PCDH17: variants seen among roughly 807,000 people sequenced by gnomAD.
PCDH17 encodes the protein protocadherin-17.
Under a neutral mutation model 67.7 loss-of-function variants are expected in PCDH17, and 21 were observed. The observed-to-expected ratio is 0.31, with a 90% CI of 0.22 to 0.45. PCDH17 has a LOEUF of 0.45. PCDH17 is among the 20% of genes least tolerant of loss of function. The pLI is 1.00. For missense variants in PCDH17, 1,471 were observed against 1,564.8 expected (o/e 0.94, Z 1.01); for synonymous variants, 701 against 656.7 (o/e 1.07, Z -1.03).
chr13:57,692,188 G>A (rs73519490), intron 3 of PCDH17, among the ~76,000 whole-genome samples: 2,650 of 151,026 alleles, frequency 0.018, 71 homozygotes, highest in African/African-American at 0.06. Flanking sequence ...ACAGTTCTAC[G>A]CTTATTATTA....
intron 3 of PCDH17, among the ~76,000 whole-genome samples, chr13:57,709,145 A>G (rs1790182458): frequency 1.3e-5 from 2 of 151,296 alleles, no homozygotes; most frequent in African/African-American, 2.4e-5. Flanking sequence ...TAAAGTCAGT[A>G]CATTCTTAAA....
rs1955123865 is a variant in PCDH17, at chr13:57,657,706, A to G, written c.2566-8762A>G. Reference sequence around the variant, plus strand: ...AAAAATTTGTTTTGTTTAGTTTTCAACGCAATGGTATCAAGGTAGACAAAC... The same window carrying G: ...AAAAATTTGTTTTGTTTAGTTTTCAGCGCAATGGTATCAAGGTAGACAAAC... On this transcript the variant is annotated intron_variant, in intron 1 of 3. Transcript: ENST00000377918. Among the ~76,000 whole-genome samples the G allele has an allele frequency of 3.9e-5, 6 of 152,328 alleles. 1 individual carries two copies. The South Asian group carries it at 1.2e-3, about 32-fold the overall frequency.
chr13:57,691,281 A>G (rs752446701), intron 3 of PCDH17, among the ~76,000 whole-genome samples: 35 of 151,390 alleles, frequency 2.3e-4, no homozygotes, highest in Non-Finnish European at 4.6e-4. Context: ...TATAGCACAT[A>G]GTGAAAATAT....
intron 1 of PCDH17, among the ~76,000 whole-genome samples, chr13:57,636,379 C>A (rs1329620480): frequency 1.2e-4 from 19 of 152,104 alleles, no homozygotes; most frequent in Admixed American, 1.2e-3. Context: ...TGACACTGGA[C>A]TCAATAATGT....
intron 3 of PCDH17, among the ~76,000 whole-genome samples, chr13:57,716,009 G>A (rs1402912657): frequency 6.6e-6 from 1 of 151,952 alleles, no homozygotes. Flanking sequence ...GAAGCAGGAT[G>A]ATATGAAAGA....
At chr13:57,681,555 A>G (rs1056628934) in intron 3 of PCDH17, among the ~76,000 whole-genome samples, 4 of 151,836 alleles carry the variant, frequency 2.6e-5, no homozygotes, top group African/African-American at 4.8e-5. Context: ...TTATTGCTAC[A>G]GATTCTGCAG....
rs1954753430 is a variant in PCDH17 at position 57,633,138 on chromosome 13, C to G, written c.592C>G (p.Gln198Glu). ...CACCAAGTTCCCAGAACTGGTCATC[C>G]AGAAGGCTCTGGACCGCGAGCAACA... ...DGTKFPELVI[Q>E]KALDREQQNH... The change falls in exon 1 of 4, where the codon CAG becomes GAG. Residue 198 changes from glutamine (Q) to glutamate (E), a missense_variant. This residue lies in a region of PCDH17 where 1,163 missense variants were observed against 1,230.0 expected (regional missense o/e 0.95). Transcript: ENST00000377918. This position sits in a 1 kb window ranked among gnomAD's most constrained non-coding sequence, Gnocchi z 6.2. 6.2e-7 allele frequency: 1 copy of G among 1,613,398 alleles called. No homozygotes were observed. Among genetic ancestry groups the G allele is most frequent in the South Asian group, 1.1e-5 (1 of 91,062 alleles).
intron 3 of PCDH17, among the ~76,000 whole-genome samples, chr13:57,684,209 A>G (rs1955485772): frequency 6.6e-6 from 1 of 151,930 alleles, no homozygotes. Flanking sequence ...ACTAAGCTAC[A>G]TAGAATCCTA....
At chr13:57,667,352 G>T (rs1175069970) in intron 3 of PCDH17, among the ~76,000 whole-genome samples, 1 of 151,894 alleles carries the variant, frequency 6.6e-6, no homozygotes, top group African/African-American at 2.4e-5. Context: ...TACATCTAAG[G>T]CTTCATGAAT....
intron 3 of PCDH17, among the ~76,000 whole-genome samples, chr13:57,706,639 C>A (rs1374353153): frequency 6.6e-6 from 1 of 152,092 alleles, no homozygotes; most frequent in Admixed American, 6.6e-5. Flanking sequence ...CCTTTTCAGT[C>A]CAAGTTGGCA....
At chr13:57,710,397 T>G (rs953789661) in intron 3 of PCDH17, among the ~76,000 whole-genome samples, 2 of 151,912 alleles carry the variant, frequency 1.3e-5, no homozygotes, top group Admixed American at 1.3e-4. Flanking sequence ...CAAAATTATA[T>G]AAATTATAAT....
intron 1 of PCDH17, among the ~76,000 whole-genome samples, chr13:57,640,344 A>G (rs768539434): frequency 2.6e-5 from 4 of 152,052 alleles, no homozygotes; most frequent in Non-Finnish European, 5.9e-5. Context: ...CTATGCCTGT[A>G]TTTATGAAAA....
chr13:57,657,831 A>G (rs1955127489), intron 1 of PCDH17, among the ~76,000 whole-genome samples: 1 of 152,202 alleles, frequency 6.6e-6, no homozygotes, highest in South Asian at 2.1e-4. Context: ...TGATTTTATA[A>G]TTATACGATT....
intron 3 of PCDH17, among the ~76,000 whole-genome samples, chr13:57,711,705 A>G (rs1955778191): frequency 6.6e-6 from 1 of 151,632 alleles, no homozygotes; most frequent in Admixed American, 6.6e-5. Flanking sequence ...GTAATTTTGC[A>G]TATATATTTT....
intron 1 of PCDH17, among the ~76,000 whole-genome samples, chr13:57,637,077 C>T (rs1201793702): frequency 6.6e-6 from 1 of 152,054 alleles, no homozygotes; most frequent in Non-Finnish European, 1.5e-5. Flanking sequence ...TGATTCCTCT[C>T]ATTGACAGTA....
chr13:57,649,083 G>T (rs1955004534), intron 1 of PCDH17, among the ~76,000 whole-genome samples: 1 of 152,066 alleles, frequency 6.6e-6, no homozygotes, highest in Admixed American at 6.6e-5. Context: ...TTCATCCTAT[G>T]AGATCAAATT....
At chr13:57,681,225 T>C (rs1955447157) in intron 3 of PCDH17, among the ~76,000 whole-genome samples, 1 of 151,696 alleles carries the variant, frequency 6.6e-6, no homozygotes, top group Non-Finnish European at 1.5e-5. Flanking sequence ...CTTTTACTTA[T>C]TTACAATCTT....
chr13:57,681,163 C>T (rs1322236223), intron 3 of PCDH17, among the ~76,000 whole-genome samples: 1 of 151,662 alleles, frequency 6.6e-6, no homozygotes, highest in Non-Finnish European at 1.5e-5. Context: ...TTTAGGAGTG[C>T]AGCAGTTGTC....
intron 3 of PCDH17, among the ~76,000 whole-genome samples, chr13:57,667,973 AT>A (rs919434150): frequency 1.6e-3 from 235 of 150,826 alleles, no homozygotes; most frequent in African/African-American, 5.3e-3. Context: ...TGCTGAATTT[AT>A]TTTAAGGTTG....
Sources: gnomAD v4.1 joint callset for allele counts (sites outside exome capture counted in the v4.1 genomes callset) on GRCh38, gnomAD v4.1.1 for gene constraint, gnomAD v4.1.1 regional missense constraint, Gnocchi (gnomAD v3.1) non-coding constraint, MANE v1.5 for transcripts, NCBI Gene and HGNC (gene_info 2026-07-23, HGNC 2026-07-21) for gene names.